Variants in BLTP1 observed in about 807,000 individuals in gnomAD.
BLTP1 encodes the protein bridge-like lipid transfer protein family member 1, also known as fragile site-associated protein.
the BLTP1 span, among the ~76,000 whole-genome samples, chr4:122,288,341 C>T: frequency 6.6e-6 from 1 of 152,144 alleles, no homozygotes; most frequent in Non-Finnish European, 1.5e-5. Context: ...TAGCACCTAA[C>T]ATGGTACATA....
chr4:122,277,992 T>C, the BLTP1 span, among the ~76,000 whole-genome samples: 1 of 152,144 alleles, frequency 6.6e-6, no homozygotes. Context: ...TATTTTCTTC[T>C]ATAGATTCTT....
chr4:122,359,410 C>G, the BLTP1 span: 1 of 1,346,796 alleles, frequency 7.4e-7, no homozygotes, highest in Non-Finnish European at 9.7e-7. Context: ...GTACTTATGG[C>G]TTATTTTAAA....
the BLTP1 span, chr4:122,306,598 A>G: frequency 1.0e-6 from 1 of 981,266 alleles, no homozygotes; most frequent in Admixed American, 6.2e-5. Context: ...TAAGGAAATG[A>G]AATTTACTTT....
the BLTP1 span, chr4:122,254,499 G>A: frequency 1.1e-6 from 1 of 898,376 alleles, no homozygotes; most frequent in Non-Finnish European, 1.3e-6. Context: ...ATGTTCTGTA[G>A]ACATTAGTCT....
chr4:122,357,524 A>G, the BLTP1 span, among the ~76,000 whole-genome samples: 2 of 151,552 alleles, frequency 1.3e-5, no homozygotes, highest in Non-Finnish European at 2.9e-5. Context: ...TGTGAGCCAT[A>G]ATTGCACCAC....
chr4:122,352,515 G>A, the BLTP1 span, among the ~76,000 whole-genome samples: 2 of 151,510 alleles, frequency 1.3e-5, no homozygotes, highest in Non-Finnish European at 2.9e-5. Flanking sequence ...GTGCTCCACC[G>A]CACCCAGCTA....
the BLTP1 span, chr4:122,164,307 A>G: frequency 2.5e-5 from 18 of 718,774 alleles, no homozygotes; most frequent in Non-Finnish European, 3.1e-5. Flanking sequence ...CCTGTCCTCC[A>G]GCCATCACTT....
chr4:122,349,044 A>G, the BLTP1 span: 1 of 839,058 alleles, frequency 1.2e-6, no homozygotes, highest in Non-Finnish European at 1.7e-6. The surrounding 1 kb of genome is among the most constrained non-coding windows in gnomAD (Gnocchi z 4.5). Context: ...ATGTTGTTTC[A>G]TTGTCAAACT....
At chr4:122,164,026 A>G in the BLTP1 span, among the ~76,000 whole-genome samples, 10 of 152,320 alleles carry the variant, frequency 6.6e-5, no homozygotes, top group Middle Eastern at 3.4e-3. Context: ...ACTCAAGGCT[A>G]TCATATCAAA....
the BLTP1 span, chr4:122,351,366 G>A: frequency 2.7e-5 from 7 of 255,404 alleles, no homozygotes; most frequent in South Asian, 1.5e-4. Flanking sequence ...GTATATATGC[G>A]TACATTTTAA....
chr4:122,342,559 T>C, the BLTP1 span, among the ~76,000 whole-genome samples: 1 of 152,050 alleles, frequency 6.6e-6, no homozygotes, highest in Non-Finnish European at 1.5e-5. Flanking sequence ...TTTCACCACA[T>C]TGGTCAGGCT....
chr4:122,299,036 A>G, the BLTP1 span: 1 of 985,288 alleles, frequency 1.0e-6, no homozygotes, highest in Non-Finnish European at 1.2e-6. Context: ...AGGGTCAGCT[A>G]AGGTACTGCT....
At chr4:122,237,185 G>C in the BLTP1 span, 1 of 985,410 alleles carries the variant, frequency 1.0e-6, no homozygotes, top group Non-Finnish European at 1.2e-6. Context: ...TCCATTAGCG[G>C]ATTTACTTTT....
chr4:122,346,508 CATA>C, the BLTP1 span: 1 of 1,434,796 alleles, frequency 7.0e-7, no homozygotes, highest in Non-Finnish European at 9.2e-7. Context: ...TAACACTAAT[CATA>C]ATATGTAACT....
the BLTP1 span, chr4:122,343,505 T>G: frequency 1.9e-6 from 3 of 1,614,092 alleles, no homozygotes; most frequent in Non-Finnish European, 2.5e-6. Context: ...TGGCTTGAGC[T>G]TCACTGCATG....
the BLTP1 span, among the ~76,000 whole-genome samples, chr4:122,355,580 A>T: frequency 6.8e-6 from 1 of 147,458 alleles, no homozygotes; most frequent in African/African-American, 2.5e-5. Context: ...TATATATATA[A>T]ATATATGTAT....
chr4:122,197,112 C>G, the BLTP1 span: 3 of 750,700 alleles, frequency 4.0e-6, no homozygotes, highest in Non-Finnish European at 6.2e-6. Context: ...TCAATAATTT[C>G]TTCTGTAATA....
At chr4:122,159,921 T>C in the BLTP1 span, among the ~76,000 whole-genome samples, 4 of 152,304 alleles carry the variant, frequency 2.6e-5, no homozygotes, top group East Asian at 5.8e-4. Flanking sequence ...ACAGGTGAAA[T>C]TGTGTTTGTT....
chr4:122,294,030 C>A, the BLTP1 span, among the ~76,000 whole-genome samples: 4 of 152,166 alleles, frequency 2.6e-5, no homozygotes, highest in Non-Finnish European at 5.9e-5. Context: ...GGACTCCGGT[C>A]CATCCCTCCT....
Sources: allele counts gnomAD v4.1 joint callset (sites outside exome capture counted in the v4.1 genomes callset), GRCh38; gene constraint gnomAD v4.1.1; non-coding constraint Gnocchi (gnomAD v3.1); transcripts MANE v1.5; gene names NCBI Gene and HGNC (gene_info 2026-07-23, HGNC 2026-07-21).